Variants in FGGY observed in about 807,000 individuals in gnomAD.
FGGY encodes FGGY carbohydrate kinase domain-containing protein.
FGGY carries 72 observed loss-of-function variants against 71.3 expected under a neutral mutation model. That is an observed-to-expected ratio of 1.01 (90% confidence interval 0.84 to 1.23). FGGY has a LOEUF of 1.23. FGGY is among the 50% of genes most tolerant of loss of function. The probability of loss-of-function intolerance (pLI) is 0.00; values close to 1 mark genes in which losing one functional copy is unlikely to be tolerated. For missense variants in FGGY, 668 were observed against 682.3 expected (o/e 0.98, Z 0.23); for synonymous variants, 251 against 250.3 (o/e 1.00, Z -0.02).
At chr1:59,620,284 A>G (rs1425509525) in intron 9 of FGGY, among the ~76,000 whole-genome samples, 1 of 151,970 alleles carries the variant, frequency 6.6e-6, no homozygotes, top group Non-Finnish European at 1.5e-5. Flanking sequence ...ATCCATCAGT[A>G]AGTCCTAAGG....
chr1:59,367,357 T>C (rs188381584), intron 4 of FGGY, among the ~76,000 whole-genome samples: 2 of 152,352 alleles, frequency 1.3e-5, no homozygotes, highest in Admixed American at 1.3e-4. Flanking sequence ...GAAACTCTTT[T>C]CTCTCTGGGC....
intron 8 of FGGY, among the ~76,000 whole-genome samples, chr1:59,576,851 T>C (rs549777831): frequency 6.6e-6 from 1 of 152,262 alleles, no homozygotes; most frequent in South Asian, 2.1e-4. Flanking sequence ...TACTGTGAAC[T>C]TCTCTATGGC....
intron 6 of FGGY, among the ~76,000 whole-genome samples, chr1:59,487,895 C>T (rs1459897898): frequency 1.4e-5 from 2 of 140,244 alleles, no homozygotes; most frequent in African/African-American, 2.7e-5. Context: ...TTAATTTTTT[C>T]TTTTATCTTC....
At chr1:59,373,766 A>G (rs1413373616) in intron 4 of FGGY, among the ~76,000 whole-genome samples, 1 of 152,140 alleles carries the variant, frequency 6.6e-6, no homozygotes, top group Non-Finnish European at 1.5e-5. Flanking sequence ...ATCTACAACT[A>G]TCTGATCTTT....
chr1:59,398,965 T>G (rs835419), intron 5 of FGGY, among the ~76,000 whole-genome samples: 9,268 of 152,246 alleles, frequency 0.061, 897 homozygotes, highest in African/African-American at 0.21. Flanking sequence ...CATTATGAAA[T>G]ATAAATGCAT....
chr1:59,367,361 TCTGGG>T (rs955150205), intron 4 of FGGY, among the ~76,000 whole-genome samples: 2 of 152,234 alleles, frequency 1.3e-5, no homozygotes, highest in African/African-American at 4.8e-5. Context: ...CTCTTTTCTC[TCTGGG>T]CTATTGGCCT....
chr1:59,611,242 G>C (rs79144707), intron 9 of FGGY, among the ~76,000 whole-genome samples: 2 of 152,136 alleles, frequency 1.3e-5, no homozygotes, highest in African/African-American at 2.4e-5. Flanking sequence ...CCCCTCAGTA[G>C]CCTAACTGGG....
At chr1:59,589,009 G>T (rs1324345538) in intron 8 of FGGY, among the ~76,000 whole-genome samples, 3 of 152,170 alleles carry the variant, frequency 2.0e-5, no homozygotes, top group East Asian at 3.8e-4. Flanking sequence ...TGGATAAAGA[G>T]TCAAGACCCA....
intron 14 of FGGY, among the ~76,000 whole-genome samples, chr1:59,706,737 T>C (rs999676165): frequency 7.2e-5 from 11 of 152,338 alleles, no homozygotes; most frequent in African/African-American, 2.4e-4. Flanking sequence ...TGGTAGAATG[T>C]GGCCTCCACA....
chr1:59,651,152 A>G (rs1572655804), intron 11 of FGGY, among the ~76,000 whole-genome samples: 1 of 151,682 alleles, frequency 6.6e-6, no homozygotes, highest in South Asian at 2.1e-4. Flanking sequence ...ACATTTGCTG[A>G]GGAGAGCTTT....
chr1:59,676,464 A>G (rs1372536082), intron 14 of FGGY, among the ~76,000 whole-genome samples: 1 of 151,574 alleles, frequency 6.6e-6, no homozygotes, highest in East Asian at 1.9e-4. Context: ...CAAACAGAGA[A>G]TAGCCTTTCA....
At chr1:59,296,895 T>C (rs1407253456), upstream of FGGY, 4 of 152,372 alleles carry the variant, frequency 2.6e-5, no homozygotes, top group African/African-American at 4.8e-5. Context: ...TAATTTCAGA[T>C]TGGACAAGTA....
chr1:59,558,946 G>A (rs1335231067), intron 8 of FGGY, among the ~76,000 whole-genome samples: 1 of 152,160 alleles, frequency 6.6e-6, no homozygotes, highest in East Asian at 1.9e-4. Flanking sequence ...CTGTCTGCAA[G>A]AAGAAAAATA....
At chr1:59,693,138 G>C (rs1009642147) in intron 14 of FGGY, among the ~76,000 whole-genome samples, 2 of 152,214 alleles carry the variant, frequency 1.3e-5, no homozygotes, top group African/African-American at 4.8e-5. Context: ...TAAAAGATGT[G>C]GAAGTGCTTA....
chr1:59,316,880 C>T (rs2153110526), intron 1 of FGGY, among the ~76,000 whole-genome samples: 1 of 152,170 alleles, frequency 6.6e-6, no homozygotes, highest in Middle Eastern at 3.4e-3. Flanking sequence ...TCCGCCTGAC[C>T]ACCCTCCCCA....
rs563612698 is a variant in FGGY, at chr1:59,632,568, C to T, written c.1074-5660C>T. ...ACTTCCCATTAAAGGCTGTACAAATCCCCCTCAAGCAAAGAAAGGGAAAAA... is the reference window on the plus strand; with the variant it reads ...ACTTCCCATTAAAGGCTGTACAAATTCCCCTCAAGCAAAGAAAGGGAAAAA... On this transcript the variant is annotated intron_variant, in intron 10 of 15. Transcript: ENST00000303721. 2.0e-5 allele frequency among the ~76,000 whole-genome samples: 3 copies of T among 152,184 alleles called. No individual in the cohort carries two copies. The East Asian group carries it at 5.8e-4, about 29-fold the overall frequency.
Position 59,716,323 on chromosome 1 carries a change from TA to T in FGGY, c.1513-41607del, listed in dbSNP as rs1206409341. Among the ~76,000 whole-genome samples the T allele has an allele frequency of 2.0e-5, 3 of 152,224 alleles. No individual in the cohort carries two copies. The East Asian group carries it at 5.8e-4, about 29-fold the overall frequency. ...TTCCCAGTTTCCTATCAATTCCAGTTACCTTTTGCTTTTCTTCTGCAAGATA... is the reference window on the plus strand; with the variant it reads ...TTCCCAGTTTCCTATCAATTCCAGTTCCTTTTGCTTTTCTTCTGCAAGATA... On this transcript the variant is annotated intron_variant, in intron 14 of 15. Coordinates refer to ENST00000303721, the MANE Select transcript of FGGY (RefSeq NM_018291.5).
chr1:59,657,879 T>C (rs940493237), intron 11 of FGGY, among the ~76,000 whole-genome samples: 3 of 152,238 alleles, frequency 2.0e-5, no homozygotes, highest in African/African-American at 7.2e-5. Flanking sequence ...CTAAAAGTGT[T>C]CTTCCAGTGT....
At position 59,464,044 on chromosome 1, in the gene FGGY, CT is replaced by C. The variant is rs377548518; in HGVS notation, c.670+6969del. Among the ~76,000 whole-genome samples the C allele has an allele frequency of 4.0e-3, 611 of 152,320 alleles. 6 individuals are homozygous for C. The highest frequency in any genetic ancestry group is 0.014 in the African/African-American group (584 of 41,558). On this transcript the variant is annotated intron_variant, in intron 6 of 15. Transcript: ENST00000303721. Reference sequence around the variant, plus strand: ...TAGACATCTACAGAACTCTCCACCCCTAATCAACAGAATATATGTTCTTCTG... The same window carrying C: ...TAGACATCTACAGAACTCTCCACCCCAATCAACAGAATATATGTTCTTCTG...
Sources: allele counts gnomAD v4.1 joint callset (sites outside exome capture counted in the v4.1 genomes callset), GRCh38; gene constraint gnomAD v4.1.1; transcripts MANE v1.5; gene names NCBI Gene and HGNC (gene_info 2026-07-23, HGNC 2026-07-21).